Variants in LRP1B observed in about 807,000 individuals in gnomAD.
LRP1B encodes low-density lipoprotein receptor-related protein 1B.
LRP1B carries 217 observed loss-of-function variants against 556.6 expected under a neutral mutation model. That is an observed-to-expected ratio of 0.39 (90% CI 0.35 to 0.44). LRP1B has a LOEUF of 0.44. Ranked by LOEUF, LRP1B falls within the 20% of genes least tolerant of loss-of-function variation. LRP1B has a pLI of 1.00. For missense variants in LRP1B, 5,053 were observed against 5,620.8 expected, an observed-to-expected ratio of 0.90 and a Z score of 3.23; for synonymous variants, 2,047 against 1,865.8, an observed-to-expected ratio of 1.10 and a Z score of -2.50.
intron 15 of LRP1B, 108 bp from the exon 16 acceptor site, chr2:140,994,243 G>A (rs1026258388): frequency 1.1e-5 from 10 of 878,258 alleles, no homozygotes; most frequent in South Asian, 3.3e-5. Context: ...ACATATCAGT[G>A]GGATGAGGTA....
intron 1 of LRP1B, among the ~76,000 whole-genome samples, chr2:141,861,295 A>G (rs1357465184): frequency 6.6e-6 from 1 of 152,134 alleles, no homozygotes; most frequent in Non-Finnish European, 1.5e-5. Flanking sequence ...CTAGACCAAT[A>G]GGACTCTGTC....
At chr2:141,414,099 T>C (rs1372051159) in intron 3 of LRP1B, among the ~76,000 whole-genome samples, 1 of 150,348 alleles carries the variant, frequency 6.7e-6, no homozygotes, top group African/African-American at 2.4e-5. Flanking sequence ...TAGCCGGGTG[T>C]GGTGGCGGGT....
chr2:142,086,668 A>T (rs1160395858), intron 1 of LRP1B, among the ~76,000 whole-genome samples: 1 of 152,040 alleles, frequency 6.6e-6, no homozygotes, highest in Non-Finnish European at 1.5e-5. Flanking sequence ...TGTCTCCAGC[A>T]GCTTTGCTGG....
intron 2 of LRP1B, among the ~76,000 whole-genome samples, chr2:141,692,544 C>T (rs968786450): frequency 6.6e-6 from 1 of 151,988 alleles, no homozygotes; most frequent in African/African-American, 2.4e-5. Flanking sequence ...GACTGGCTTA[C>T]CTTTTTAGCC....
chr2:140,470,365 C>T lies in LRP1B; in HGVS notation c.9625+4773G>A, dbSNP rs112752915. ...GAGATTAAAACGTGGAGATTTGGGCCGGGCGTGGTGGCTCACGCCTGTAAT... is the reference window on the plus strand; with the variant it reads ...GAGATTAAAACGTGGAGATTTGGGCTGGGCGTGGTGGCTCACGCCTGTAAT... On this transcript the variant is annotated intron_variant, in intron 60 of 90. Coordinates refer to ENST00000389484, the MANE Select transcript of LRP1B (RefSeq NM_018557.3). 5.1e-3 allele frequency among the ~76,000 whole-genome samples: 772 copies of T among 151,972 alleles called. 11 individuals carry two copies. The highest frequency in any genetic ancestry group is 0.016 in the African/African-American group (657 of 41,454).
At chr2:140,409,913 C>G (rs897152376) in intron 66 of LRP1B, among the ~76,000 whole-genome samples, 1 of 151,998 alleles carries the variant, frequency 6.6e-6, no homozygotes, top group Non-Finnish European at 1.5e-5. Flanking sequence ...TACACTAAGA[C>G]CTCAGTTTTA....
At chr2:140,241,209 T>C (rs1001561149) in intron 87 of LRP1B, among the ~76,000 whole-genome samples, 2 of 150,940 alleles carry the variant, frequency 1.3e-5, no homozygotes, top group African/African-American at 4.8e-5. Flanking sequence ...TATTAGCAGC[T>C]GTAATTTATT....
At chr2:141,263,853 T>G (rs1488765677) in intron 3 of LRP1B, among the ~76,000 whole-genome samples, 5 of 152,150 alleles carry the variant, frequency 3.3e-5, no homozygotes, top group African/African-American at 4.8e-5. Flanking sequence ...CAGATCACCC[T>G]ATCAATCAGT....
chr2:141,696,929 T>C lies in LRP1B; in HGVS notation c.205+113350A>G, dbSNP rs62166538. ...GTTAAAAGAAACATACAGAAAAATC[T>C]ATAATAATAATACGGTAATGTAATA... On this transcript the variant is annotated intron_variant, in intron 2 of 90. Transcript: ENST00000389484. Among the ~76,000 whole-genome samples, 633 of 152,060 alleles carry C rather than the reference T, an allele frequency of 4.2e-3. 4 individuals carry two copies. Among genetic ancestry groups the C allele is most frequent in the Non-Finnish European group, 6.4e-3 (436 of 67,906 alleles).
chr2:141,252,207 TA>T (rs70991149), intron 4 of LRP1B, among the ~76,000 whole-genome samples: 16,236 of 71,670 alleles, frequency 0.23, 972 homozygotes, highest in South Asian at 0.28. Context: ...CCCCACCCCC[TA>T]AAAAAAAAAA....
intron 18 of LRP1B, among the ~76,000 whole-genome samples, chr2:140,966,503 G>A (rs1212804645): frequency 6.6e-6 from 1 of 152,134 alleles, no homozygotes; most frequent in Non-Finnish European, 1.5e-5. Context: ...TAGGTTGCCT[G>A]TTCACTCTGA....
At chr2:141,533,575 C>T (rs1684965458) in intron 2 of LRP1B, among the ~76,000 whole-genome samples, 1 of 152,110 alleles carries the variant, frequency 6.6e-6, no homozygotes, top group Non-Finnish European at 1.5e-5. Flanking sequence ...TTTACTCTCA[C>T]CTGAAATTCT....
At chr2:140,399,853 T>C (rs1355828169) in intron 66 of LRP1B, among the ~76,000 whole-genome samples, 1 of 152,218 alleles carries the variant, frequency 6.6e-6, no homozygotes, top group African/African-American at 2.4e-5. Context: ...TTGGATACAT[T>C]GTACATTGTA....
chr2:140,321,893 C>T (rs2105052745), intron 82 of LRP1B, 70 bp downstream of exon 82: 1 of 1,443,304 alleles, frequency 6.9e-7, no homozygotes, highest in Non-Finnish European at 9.5e-7. Flanking sequence ...AATTTCACTC[C>T]ATTTCACGAG....
chr2:142,005,593 T>C (rs1702775517), intron 1 of LRP1B, among the ~76,000 whole-genome samples: 1 of 152,184 alleles, frequency 6.6e-6, no homozygotes, highest in African/African-American at 2.4e-5. Context: ...AATTATTGTA[T>C]TCATGTAATG....
intron 4 of LRP1B, among the ~76,000 whole-genome samples, chr2:141,253,686 A>T (rs1327761382): frequency 1.3e-5 from 2 of 152,114 alleles, no homozygotes; most frequent in South Asian, 4.1e-4. Flanking sequence ...TGGAGCAAAG[A>T]TTTGAAGTAA....
intron 25 of LRP1B, among the ~76,000 whole-genome samples, chr2:140,871,928 T>C (rs2105163701): frequency 6.6e-6 from 1 of 152,126 alleles, no homozygotes; most frequent in Non-Finnish European, 1.5e-5. Context: ...TTTAAGGAGC[T>C]CAATGGTTAG....
At chr2:140,607,664 C>T (rs547021308) in intron 41 of LRP1B, among the ~76,000 whole-genome samples, 10 of 150,432 alleles carry the variant, frequency 6.6e-5, no homozygotes, top group East Asian at 2.0e-4. Context: ...CACACATAGA[C>T]GTGTGTGTGT....
intron 86 of LRP1B, among the ~76,000 whole-genome samples, chr2:140,252,380 T>C (rs552902266): frequency 7.6e-4 from 115 of 152,066 alleles, no homozygotes; most frequent in African/African-American, 2.5e-3. Flanking sequence ...ATAGGTACTT[T>C]CATATAAAAA....
Sources: allele counts gnomAD v4.1 joint callset (sites outside exome capture counted in the v4.1 genomes callset), GRCh38; gene constraint gnomAD v4.1.1; transcripts MANE v1.5; gene names NCBI Gene and HGNC (gene_info 2026-07-23, HGNC 2026-07-21).